Variants in SCHIP1 observed in about 807,000 individuals in gnomAD.
The protein encoded by SCHIP1 is schwannomin-interacting protein 1.
A neutral mutation model predicts 29.7 loss-of-function variants in SCHIP1; 8 were observed. That is an observed-to-expected ratio of 0.27 (90% confidence interval 0.16 to 0.49). The LOEUF (loss-of-function observed/expected upper bound fraction) is 0.49, where lower values mean the gene tolerates loss of function less well. SCHIP1 is among the 20% of genes least tolerant of loss of function. The probability of loss-of-function intolerance (pLI) is 0.99; values close to 1 mark genes in which losing one functional copy is unlikely to be tolerated. For synonymous variants in SCHIP1, 76 were observed against 94.9 expected, an observed-to-expected ratio of 0.80 and a Z score of 1.16; for missense variants, 193 against 294.6, an observed-to-expected ratio of 0.66 and a Z score of 2.52.
chr3:159,433,219 T>G, the SCHIP1 span, among the ~76,000 whole-genome samples: 1 of 152,182 alleles, frequency 6.6e-6, no homozygotes, highest in Non-Finnish European at 1.5e-5. Flanking sequence ...TCTCACATTT[T>G]GTAAGGAAAG....
At chr3:159,618,373 A>G in the SCHIP1 span, among the ~76,000 whole-genome samples, 10 of 152,260 alleles carry the variant, frequency 6.6e-5, no homozygotes, top group Non-Finnish European at 1.5e-4. Flanking sequence ...CTATTCATTT[A>G]AAAGCCTTTG....
chr3:159,505,364 G>A, the SCHIP1 span, among the ~76,000 whole-genome samples: 1 of 152,150 alleles, frequency 6.6e-6, no homozygotes, highest in East Asian at 1.9e-4. Context: ...AATTTATACA[G>A]AAAGGAAAAG....
chr3:159,892,454 T>C, intron 6 of SCHIP1: 2 of 583,528 alleles, frequency 3.4e-6, no homozygotes, highest in Non-Finnish European at 6.1e-6. Flanking sequence ...CAGGTCTAGT[T>C]CTGGTTTTGG....
the SCHIP1 span, among the ~76,000 whole-genome samples, chr3:159,548,203 T>C: frequency 5.3e-5 from 8 of 152,062 alleles, no homozygotes; most frequent in African/African-American, 1.9e-4. Flanking sequence ...GTGAGAATGT[T>C]AGAGAAGCCA....
At chr3:159,356,443 G>T in the SCHIP1 span, among the ~76,000 whole-genome samples, 1 of 152,086 alleles carries the variant, frequency 6.6e-6, no homozygotes, top group African/African-American at 2.4e-5. Context: ...TATTTTGGAG[G>T]ATGGTAGTGT....
chr3:159,397,047 C>A, the SCHIP1 span, among the ~76,000 whole-genome samples: 1 of 150,528 alleles, frequency 6.6e-6, no homozygotes, highest in African/African-American at 2.4e-5. Flanking sequence ...TCTAAACTTC[C>A]CTTCTCTCTT....
the SCHIP1 span, among the ~76,000 whole-genome samples, chr3:159,418,715 G>A: frequency 2.0e-5 from 3 of 152,114 alleles, no homozygotes; most frequent in East Asian, 1.9e-4. Context: ...TAGCTCTGAC[G>A]GTCTGGCTTG....
the SCHIP1 span, among the ~76,000 whole-genome samples, chr3:159,659,939 C>T: frequency 2.0e-5 from 3 of 152,094 alleles, no homozygotes; most frequent in South Asian, 4.1e-4. Context: ...TGGCGATCTC[C>T]TTGCATTTGG....
the SCHIP1 span, among the ~76,000 whole-genome samples, chr3:159,679,143 A>T: frequency 8.5e-5 from 13 of 152,130 alleles, no homozygotes; most frequent in African/African-American, 3.1e-4. Flanking sequence ...TTGAATCATG[A>T]CTGTCTCTGC....
the SCHIP1 span, among the ~76,000 whole-genome samples, chr3:159,680,705 T>TG: frequency 8.6e-3 from 48 of 5,584 alleles, 2 homozygotes; most frequent in South Asian, 0.17. Context: ...ATAATATATA[T>TG]TATATATAAT....
the SCHIP1 span, among the ~76,000 whole-genome samples, chr3:159,389,714 G>T: frequency 1.3e-5 from 2 of 152,062 alleles, no homozygotes; most frequent in South Asian, 4.1e-4. Flanking sequence ...GAAAAAATTT[G>T]CCCAAGAGTT....
chr3:159,495,547 C>A, the SCHIP1 span, among the ~76,000 whole-genome samples: 1 of 152,180 alleles, frequency 6.6e-6, no homozygotes, highest in East Asian at 1.9e-4. Flanking sequence ...ATCCAACTTA[C>A]AAGGGATGTG....
At chr3:159,888,981 G>A (rs1422304730) in intron 5 of SCHIP1, 38 bp downstream of exon 6, 2 of 1,606,218 alleles carry the variant, frequency 1.2e-6, no homozygotes, top group East Asian at 4.5e-5. Flanking sequence ...GATATTCAAT[G>A]TAAAACATTA....
chr3:159,512,214 T>C, the SCHIP1 span, among the ~76,000 whole-genome samples: 1 of 152,242 alleles, frequency 6.6e-6, no homozygotes. Flanking sequence ...ATGACAAGAA[T>C]AGAAATTCTA....
At chr3:159,384,442 C>T in the SCHIP1 span, among the ~76,000 whole-genome samples, 1 of 148,518 alleles carries the variant, frequency 6.7e-6, no homozygotes, top group East Asian at 2.0e-4. Context: ...ACCAGCCTTG[C>T]ATCCCAGGGA....
chr3:159,421,224 T>C, the SCHIP1 span, among the ~76,000 whole-genome samples: 1 of 152,246 alleles, frequency 6.6e-6, no homozygotes, highest in African/African-American at 2.4e-5. Context: ...ACTAAATTTA[T>C]TGTTCATTAT....
chr3:159,570,164 T>A, the SCHIP1 span, among the ~76,000 whole-genome samples: 2 of 152,180 alleles, frequency 1.3e-5, no homozygotes, highest in African/African-American at 2.4e-5. Context: ...CCCATTTGTC[T>A]ATTTTGGCTT....
the SCHIP1 span, among the ~76,000 whole-genome samples, chr3:159,762,463 T>G: frequency 6.6e-6 from 1 of 152,202 alleles, no homozygotes. Flanking sequence ...AGGAATCCCA[T>G]GCATTCCCCT....
At chr3:159,747,111 C>T in the SCHIP1 span, among the ~76,000 whole-genome samples, 4 of 152,210 alleles carry the variant, frequency 2.6e-5, no homozygotes, top group African/African-American at 9.6e-5. Flanking sequence ...GTACCTGGCA[C>T]ATAGTAGATA....
Sources: allele counts gnomAD v4.1 joint callset (sites outside exome capture counted in the v4.1 genomes callset), GRCh38; gene constraint gnomAD v4.1.1; transcripts MANE v1.5; gene names NCBI Gene and HGNC (gene_info 2026-07-23, HGNC 2026-07-21).